ABCA13: variants seen among roughly 807,000 people sequenced by gnomAD.
The protein encoded by ABCA13 is ATP binding cassette subfamily A member 13, also known as ATP-binding cassette sub-family A member 13.
ABCA13 carries 476 observed loss-of-function variants against 478.7 expected under a neutral mutation model. The ratio of observed to expected loss-of-function variants is 0.99; its 90% confidence interval spans 0.92 to 1.07. The LOEUF (loss-of-function observed/expected upper bound fraction) is 1.07, where lower values mean the gene tolerates loss of function less well. ABCA13 is among the 50% of genes least tolerant of loss of function. The pLI, the probability that ABCA13 is intolerant of heterozygous loss-of-function variation, is 0.00. For synonymous variants in ABCA13, 2,252 were observed against 2,158.9 expected, an observed-to-expected ratio of 1.04 and a Z score of -1.20; for missense variants, 6,060 against 5,910.6, an observed-to-expected ratio of 1.03 and a Z score of -0.83.
intron 48 of ABCA13, among the ~76,000 whole-genome samples, chr7:48,505,946 T>G (rs1585631080): frequency 6.6e-6 from 1 of 152,204 alleles, no homozygotes; most frequent in Non-Finnish European, 1.5e-5. Flanking sequence ...GATCTAGAGG[T>G]GAATATTGAT....
chr7:48,583,169 G>A (rs1170654658), intron 56 of ABCA13, among the ~76,000 whole-genome samples: 1 of 152,130 alleles, frequency 6.6e-6, no homozygotes. Context: ...TCCTACCAGG[G>A]ACTGTCCCTA....
At chr7:48,583,638 C>T (rs1487073846) in intron 56 of ABCA13, among the ~76,000 whole-genome samples, 3 of 152,166 alleles carry the variant, frequency 2.0e-5, no homozygotes, top group African/African-American at 7.2e-5. Flanking sequence ...AAATGCATCC[C>T]AGTAACTTGC....
chr7:48,519,958 A>C, intron 52 of ABCA13, 83 bp from the exon 53 acceptor site: 1 of 1,375,194 alleles, frequency 7.3e-7, no homozygotes, highest in Non-Finnish European at 9.6e-7. Flanking sequence ...GAGCTAACCA[A>C]GGAGAAAAAG....
intron 51 of ABCA13, 134 bp from the exon 52 acceptor site, chr7:48,516,591 C>G: frequency 1.2e-6 from 1 of 851,806 alleles, no homozygotes; most frequent in Non-Finnish European, 1.8e-6. Context: ...TGGGGAAAAA[C>G]ATAGTATATG....
At chr7:48,261,562 C>T (rs1794184965) in intron 15 of ABCA13, among the ~76,000 whole-genome samples, 1 of 151,734 alleles carries the variant, frequency 6.6e-6, no homozygotes, top group South Asian at 2.1e-4. Context: ...TTTTCTTCTA[C>T]TTTCTGGGAT....
chr7:48,514,234 G>C (rs1831939316), intron 51 of ABCA13, among the ~76,000 whole-genome samples: 1 of 152,120 alleles, frequency 6.6e-6, no homozygotes, highest in African/African-American at 2.4e-5. Context: ...TGTTGTGCCA[G>C]GCCAACCACA....
chr7:48,454,935 T>C, intron 42 of ABCA13, 102 bp from the exon 43 acceptor site: 2 of 1,398,280 alleles, frequency 1.4e-6, no homozygotes, highest in South Asian at 1.6e-5. Context: ...CGCATTCCCA[T>C]GGCTGCGAGA....
At chr7:48,232,694 G>A (rs192374269) in intron 7 of ABCA13, among the ~76,000 whole-genome samples, 2 of 152,246 alleles carry the variant, frequency 1.3e-5, no homozygotes, top group East Asian at 3.9e-4. Context: ...CTGAATCCAA[G>A]TTGTCTTTCA....
chr7:48,197,470 A>G (rs755738307), intron 2 of ABCA13, among the ~76,000 whole-genome samples: 6 of 152,194 alleles, frequency 3.9e-5, no homozygotes, highest in Non-Finnish European at 7.3e-5. Context: ...AGGGCAGTTC[A>G]GTAGAGGGAT....
chr7:48,189,792 T>C (rs1396295201), intron 1 of ABCA13, among the ~76,000 whole-genome samples: 1 of 152,142 alleles, frequency 6.6e-6, no homozygotes, highest in Admixed American at 6.5e-5. Context: ...GATAAATTAA[T>C]GGCATGAAAG....
chr7:48,279,256 A>G lies in ABCA13; in HGVS notation c.8062A>G (p.Thr2688Ala), dbSNP rs1468437051. ...LGCLVPINNI[T>A]NQMDFLYPNP... ...TTGCTTAGTTCCTATAAATAACATC[A>G]CCAACCAAATGGACTTCTTATACCC... The change falls in exon 18 of 62, where the codon ACC (threonine) becomes GCC (alanine). Residue 2688 changes from threonine (T) to alanine (A), a missense_variant. By Grantham distance (58) the Thr-to-Ala change is moderately conservative (BLOSUM62 0). Coordinates refer to ENST00000435803, the MANE Select transcript of ABCA13 (RefSeq NM_152701.5). 6.3e-7 allele frequency: 1 copy of G among 1,588,286 alleles called. No individual in the cohort carries two copies. Among genetic ancestry groups the G allele is most frequent in the African/African-American group, 1.3e-5 (1 of 74,602 alleles).
At chr7:48,369,746 T>A (rs1294451464) in intron 32 of ABCA13, among the ~76,000 whole-genome samples, 1 of 152,206 alleles carries the variant, frequency 6.6e-6, no homozygotes, top group Admixed American at 6.5e-5. Flanking sequence ...GTTCGATTGG[T>A]CTATGTGCCT....
At chr7:48,504,200 CT>C (rs1385744525) in intron 48 of ABCA13, among the ~76,000 whole-genome samples, 1 of 152,114 alleles carries the variant, frequency 6.6e-6, no homozygotes, top group Non-Finnish European at 1.5e-5. Flanking sequence ...AGCAATCCAG[CT>C]TTTCAAATGG....
intron 55 of ABCA13, among the ~76,000 whole-genome samples, chr7:48,533,847 A>G (rs181870389): frequency 6.6e-6 from 1 of 152,240 alleles, no homozygotes; most frequent in Admixed American, 6.5e-5. Context: ...TTTGCATGGA[A>G]TATCTCTTTC....
At chr7:48,309,440 T>C (rs1801425562) in intron 23 of ABCA13, among the ~76,000 whole-genome samples, 1 of 152,232 alleles carries the variant, frequency 6.6e-6, no homozygotes, top group Admixed American at 6.5e-5. Context: ...TGCCTCCTTC[T>C]GAGTGTACTT....
At chr7:48,604,394 G>A (rs111410358) in intron 58 of ABCA13, among the ~76,000 whole-genome samples, 6 of 152,010 alleles carry the variant, frequency 3.9e-5, no homozygotes, top group East Asian at 1.9e-4. Flanking sequence ...CTCTACACAC[G>A]GCTTTAAATG....
chr7:48,611,222 C>T (rs1189848031), intron 58 of ABCA13, among the ~76,000 whole-genome samples: 1 of 152,134 alleles, frequency 6.6e-6, no homozygotes, highest in East Asian at 1.9e-4. Context: ...TCTGAGATCT[C>T]CTCACCCTTG....
In ABCA13 at chr7:48,522,451, T is replaced by C. The variant is rs184011152; in HGVS notation, c.14052-1797T>C. On this transcript the variant is annotated intron_variant, in intron 53 of 61. Coordinates refer to ENST00000435803, the MANE Select transcript of ABCA13 (RefSeq NM_152701.5). Reference sequence around the variant, plus strand: ...TGCCTAGAGCTGCACTTTTGCTGTCTGTACCCTAGGTGCTGGCTGGGTTGG... The same window carrying C: ...TGCCTAGAGCTGCACTTTTGCTGTCCGTACCCTAGGTGCTGGCTGGGTTGG... 3.6e-3 allele frequency among the ~76,000 whole-genome samples: 546 copies of C among 152,346 alleles called. 4 individuals are homozygous for C. The highest frequency in any genetic ancestry group is 0.012 in the African/African-American group (498 of 41,586).
At chr7:48,415,398 G>A (rs1224005615) in intron 41 of ABCA13, among the ~76,000 whole-genome samples, 8 of 152,126 alleles carry the variant, frequency 5.3e-5, no homozygotes, top group African/African-American at 1.4e-4. Context: ...ATCATTCACC[G>A]GGTTAATCCG....
Sources: gnomAD v4.1 joint callset for allele counts (sites outside exome capture counted in the v4.1 genomes callset) on GRCh38, gnomAD v4.1.1 for gene constraint, MANE v1.5 for transcripts, NCBI Gene and HGNC (gene_info 2026-07-23, HGNC 2026-07-21) for gene names.